Variants in HLCS observed in about 807,000 individuals in gnomAD.
HLCS encodes the protein holocarboxylase synthetase, also known as biotin--protein ligase.
A neutral mutation model predicts 75.0 loss-of-function variants in HLCS; 53 were observed. The ratio of observed to expected loss-of-function variants is 0.71; its 90% confidence interval spans 0.57 to 0.89. The LOEUF (loss-of-function observed/expected upper bound fraction) is 0.89. HLCS is among the 40% of genes least tolerant of loss of function. The pLI, the probability that HLCS is intolerant of heterozygous loss-of-function variation, is 0.00. For synonymous variants in HLCS, 431 were observed against 428.6 expected (o/e 1.01, Z -0.07); for missense variants, 966 against 1,074.0 (o/e 0.90, Z 1.41).
chr21:36,894,579 G>A (rs981037416), intron 6 of HLCS, among the ~76,000 whole-genome samples: 10 of 152,126 alleles, frequency 6.6e-5, no homozygotes, highest in East Asian at 5.8e-4. Flanking sequence ...TGGGAACAGC[G>A]GATGCAGGGC....
chr21:36,755,319 T>G (rs2089521630), intron 10 of HLCS, among the ~76,000 whole-genome samples: 1 of 151,982 alleles, frequency 6.6e-6, no homozygotes, highest in South Asian at 2.1e-4. Flanking sequence ...GAGGATCATT[T>G]GAGCCCGGGA....
At chr21:36,844,242 A>G (rs56382534) in intron 6 of HLCS, among the ~76,000 whole-genome samples, 72,358 of 151,522 alleles carry the variant, frequency 0.48, 19,959 homozygotes, top group African/African-American at 0.77. Context: ...GGAATGAGCC[A>G]TCGTGGAACT....
chr21:36,962,727 A>G (rs1358630594), intron 1 of HLCS, among the ~76,000 whole-genome samples: 2 of 138,166 alleles, frequency 1.4e-5, no homozygotes, highest in African/African-American at 2.7e-5. Context: ...TGGGAGCCCG[A>G]GGTTGCAGTG....
intron 2 of HLCS, among the ~76,000 whole-genome samples, chr21:36,948,912 G>A (rs1020284052): frequency 6.6e-6 from 1 of 152,060 alleles, no homozygotes; most frequent in Non-Finnish European, 1.5e-5. Context: ...GATGCTCAGG[G>A]AAAGGGCAGG....
chr21:36,821,857 T>G (rs936834188), intron 6 of HLCS, among the ~76,000 whole-genome samples: 3 of 151,750 alleles, frequency 2.0e-5, no homozygotes, highest in South Asian at 4.2e-4. Flanking sequence ...AAATGAGACT[T>G]GTGGCTAAAA....
At chr21:36,865,398 T>C (rs1472349257) in intron 6 of HLCS, among the ~76,000 whole-genome samples, 8 of 149,752 alleles carry the variant, frequency 5.3e-5, no homozygotes, top group Admixed American at 1.3e-4. Flanking sequence ...GAAGCAAAGA[T>C]GGAAAAAGAT....
chr21:36,917,583 A>G (rs1401534550), intron 5 of HLCS, among the ~76,000 whole-genome samples: 1 of 152,136 alleles, frequency 6.6e-6, no homozygotes, highest in African/African-American at 2.4e-5. Flanking sequence ...CCTACGTCAT[A>G]CCTGGCTGTA....
At chr21:36,822,105 T>C (rs2061861023) in intron 6 of HLCS, among the ~76,000 whole-genome samples, 1 of 152,120 alleles carries the variant, frequency 6.6e-6, no homozygotes. Flanking sequence ...ATATCTTCCT[T>C]GTAAGTAAGA....
rs181805809 is a variant in HLCS at position 36,896,758 on chromosome 21, C to A, written c.1892+102G>T. On this transcript the variant is annotated intron_variant, in intron 6 of 10. Coordinates refer to ENST00000674895, the MANE Select transcript of HLCS (RefSeq NM_001352514.2). ...CACCTTGCTAATAGGTCTGGTCAAA[C>A]GTATTCCTCTACAACTCTATCCCCT... 39 of 1,334,218 alleles carry A rather than the reference C, an allele frequency of 2.9e-5. No individual in the cohort carries two copies. In the African/African-American group the frequency reaches 5.0e-4, roughly 17 times the overall value. 82.6% of individuals were successfully genotyped at this position (1,334,218 alleles called of 1,614,324 possible).
At chr21:36,860,785 T>C (rs1224392002) in intron 6 of HLCS, among the ~76,000 whole-genome samples, 1 of 152,246 alleles carries the variant, frequency 6.6e-6, no homozygotes, top group Non-Finnish European at 1.5e-5. Flanking sequence ...TTTAGGGTAA[T>C]AAATGTTTCC....
chr21:36,924,788 C>CTTG lies in HLCS; in HGVS notation c.1620+5460_1620+5462dup, dbSNP rs577569676. 1.5e-3 allele frequency among the ~76,000 whole-genome samples: 227 copies of CTTG among 152,232 alleles called. 2 individuals carry two copies. The highest frequency in any genetic ancestry group is 5.2e-3 in the African/African-American group (217 of 41,542). ...TTTCCAGAAACTTCTGCAGCAAGGGCTTGTACTTAGTAGGCACACAGATGT... is the reference window on the plus strand; with the variant it reads ...TTTCCAGAAACTTCTGCAGCAAGGGCTTGTTGTACTTAGTAGGCACACAGATGT... On this transcript the variant is annotated intron_variant, in intron 5 of 10. Transcript: ENST00000674895.
At position 36,820,313 on chromosome 21, in the gene HLCS, G is replaced by A. The variant is rs146086596; in HGVS notation, c.1893-53028C>T. ...ACAGGTGAGAGCCACGCCCCCTTCC[G>A]AGTTGAAGGGGCTGGAGCCCCACTC... On this transcript the variant is annotated intron_variant, in intron 6 of 10. Transcript: ENST00000674895. 4.3e-3 allele frequency among the ~76,000 whole-genome samples: 659 copies of A among 152,338 alleles called. 4 individuals are homozygous for A. The highest frequency in any genetic ancestry group is 0.014 in the African/African-American group (593 of 41,582).
chr21:36,971,169 T>A (rs1011756824), upstream of HLCS, among the ~76,000 whole-genome samples: 3 of 152,130 alleles, frequency 2.0e-5, no homozygotes, highest in African/African-American at 7.2e-5. Flanking sequence ...AGAATTTAAA[T>A]TAGAACATCT....
intron 6 of HLCS, among the ~76,000 whole-genome samples, chr21:36,893,083 T>C (rs1381950987): frequency 6.6e-6 from 1 of 151,878 alleles, no homozygotes; most frequent in Non-Finnish European, 1.5e-5. Flanking sequence ...ATCCCACTTT[T>C]TTTTGAGATG....
intron 6 of HLCS, among the ~76,000 whole-genome samples, chr21:36,886,419 C>T (rs1164442937): frequency 4.1e-5 from 5 of 122,136 alleles, no homozygotes; most frequent in Admixed American, 1.1e-4. Context: ...AGCAACAGAG[C>T]GAGACTCCAT....
chr21:36,969,425 G>A (rs376402589), upstream of HLCS, among the ~76,000 whole-genome samples: 96 of 152,196 alleles, frequency 6.3e-4, 3 homozygotes, highest in South Asian at 0.016. Flanking sequence ...CCAAATCAGC[G>A]TCTGCATTTT....
chr21:36,845,192 C>A (rs932337976), intron 6 of HLCS, among the ~76,000 whole-genome samples: 1 of 152,152 alleles, frequency 6.6e-6, no homozygotes. Context: ...TTTTGCCTCA[C>A]GATGACTCAT....
chr21:36,786,302 T>C (rs1337226448), intron 6 of HLCS, among the ~76,000 whole-genome samples: 1 of 151,624 alleles, frequency 6.6e-6, no homozygotes, highest in Non-Finnish European at 1.5e-5. Context: ...TTTTTAAATC[T>C]AAAAAACACA....
intron 4 of HLCS, among the ~76,000 whole-genome samples, chr21:36,932,189 C>T (rs1203800264): frequency 1.3e-5 from 2 of 152,154 alleles, no homozygotes; most frequent in Non-Finnish European, 2.9e-5. Flanking sequence ...CTTAAATGTA[C>T]ATATAATTCA....
Sources: allele counts gnomAD v4.1 joint callset (sites outside exome capture counted in the v4.1 genomes callset), GRCh38; gene constraint gnomAD v4.1.1; transcripts MANE v1.5; gene names NCBI Gene and HGNC (gene_info 2026-07-23, HGNC 2026-07-21).